The following AFAP1L2 variants were observed in gnomAD, a reference collection of about 807,000 sequenced individuals.
AFAP1L2 encodes the protein actin filament-associated protein 1-like 2.
A neutral mutation model predicts 99.3 loss-of-function variants in AFAP1L2; 46 were observed. That is an observed-to-expected ratio of 0.46 (90% CI 0.37 to 0.59). The LOEUF is 0.59. Ranked by LOEUF, AFAP1L2 falls within the 20% of genes least tolerant of loss-of-function variation. The probability of loss-of-function intolerance (pLI) is 0.00; values close to 1 mark genes in which losing one functional copy is unlikely to be tolerated. For missense variants in AFAP1L2, 959 were observed against 1,034.9 expected, an observed-to-expected ratio of 0.93 and a Z score of 1.01; for synonymous variants, 397 against 419.1, an observed-to-expected ratio of 0.95 and a Z score of 0.64.
intron 5 of AFAP1L2, among the ~76,000 whole-genome samples, chr10:114,319,926 C>A (rs762554027): frequency 6.6e-6 from 1 of 152,182 alleles, no homozygotes; most frequent in Non-Finnish European, 1.5e-5. Context: ...ATGTGCGTGA[C>A]TTCCGGCTGG....
At chr10:114,398,901 T>C in intron 1 of AFAP1L2, 1 of 1,304,320 alleles carries the variant, frequency 7.7e-7, no homozygotes, top group South Asian at 1.2e-5. Context: ...GCAACACCCC[T>C]GTGCTGGAAT....
intron 2 of AFAP1L2, among the ~76,000 whole-genome samples, chr10:114,336,977 G>A (rs2048068196): frequency 6.6e-6 from 1 of 152,218 alleles, no homozygotes; most frequent in Non-Finnish European, 1.5e-5. Context: ...AGTCCCAGAA[G>A]CTCAGCCTGT....
intron 5 of AFAP1L2, among the ~76,000 whole-genome samples, chr10:114,321,199 AC>A (rs762255215): frequency 2.6e-5 from 4 of 152,092 alleles, no homozygotes; most frequent in African/African-American, 9.7e-5. Flanking sequence ...GAGATAGTGC[AC>A]TGTCATTCGA....
the AFAP1L2 span, chr10:114,286,172 G>C: frequency 6.2e-7 from 1 of 1,614,054 alleles, no homozygotes; most frequent in South Asian, 1.1e-5. Flanking sequence ...CTGGAGCCTC[G>C]ATGGCATTCC....
chr10:114,404,548 C>G, upstream of AFAP1L2: 1 of 1,435,432 alleles, frequency 7.0e-7, no homozygotes, highest in Non-Finnish European at 9.1e-7. Context: ...GGCCCCTCCC[C>G]GTGAGGTCAC....
chr10:114,319,446 A>C, intron 5 of AFAP1L2: 1 of 760,422 alleles, frequency 1.3e-6, no homozygotes, highest in Non-Finnish European at 1.9e-6. Flanking sequence ...CAAGTGCAAG[A>C]CTCATGCACG....
At chr10:114,304,029 A>T (rs1012368047) in intron 11 of AFAP1L2, among the ~76,000 whole-genome samples, 24 of 152,258 alleles carry the variant, frequency 1.6e-4, no homozygotes, top group Admixed American at 9.2e-4. Context: ...TGCTGAGAAG[A>T]TGTCTGTTGA....
chr10:114,291,179 G>A (rs1487052237), downstream of AFAP1L2: 3 of 1,550,294 alleles, frequency 1.9e-6, no homozygotes, highest in East Asian at 7.3e-5. Flanking sequence ...AGAAGGGGAT[G>A]CAGACACTCC....
At chr10:114,340,899 T>C in intron 1 of AFAP1L2, 168 bp from the exon 2 acceptor site, 2 of 889,908 alleles carry the variant, frequency 2.2e-6, no homozygotes, top group Non-Finnish European at 3.5e-6. Flanking sequence ...GAAGATGGGA[T>C]TCTCAGCTCC....
intron 1 of AFAP1L2, among the ~76,000 whole-genome samples, chr10:114,394,367 C>T (rs2057468019): frequency 6.6e-6 from 1 of 152,196 alleles, no homozygotes; most frequent in African/African-American, 2.4e-5. Context: ...TCACCAGCCC[C>T]TCCTGGGAGA....
At chr10:114,298,278 T>C (rs147404471) in intron 16 of AFAP1L2, among the ~76,000 whole-genome samples, 6,503 of 152,152 alleles carry the variant, frequency 0.043, 454 homozygotes, top group African/African-American at 0.15. Flanking sequence ...CTCAGGAGGC[T>C]GAGACAGGAG....
At chr10:114,364,034 A>C (rs2052846965) in intron 1 of AFAP1L2, among the ~76,000 whole-genome samples, 1 of 152,230 alleles carries the variant, frequency 6.6e-6, no homozygotes, top group East Asian at 1.9e-4. Flanking sequence ...GGCATCTTTG[A>C]GCAGCAATTG....
At chr10:114,316,910 C>G (rs2044231503) in intron 5 of AFAP1L2, among the ~76,000 whole-genome samples, 1 of 152,204 alleles carries the variant, frequency 6.6e-6, no homozygotes, top group Non-Finnish European at 1.5e-5. Flanking sequence ...ATCTCCTGAT[C>G]CCTGGATACT....
intron 1 of AFAP1L2, among the ~76,000 whole-genome samples, chr10:114,341,440 C>T (rs2048813033): frequency 6.6e-6 from 1 of 151,998 alleles, no homozygotes; most frequent in Non-Finnish European, 1.5e-5. Flanking sequence ...GGTGAAACCC[C>T]CGTCTCTACT....
chr10:114,351,581 G>A (rs1043180683), intron 1 of AFAP1L2, among the ~76,000 whole-genome samples: 10 of 152,186 alleles, frequency 6.6e-5, no homozygotes, highest in African/African-American at 2.4e-4. Context: ...CCGGGGGGAG[G>A]CACGCGAGGC....
rs548441357 is a variant in AFAP1L2 at position 114,385,119 on chromosome 10, C to A, written c.16+19321G>T. 5.9e-5 allele frequency among the ~76,000 whole-genome samples: 9 copies of A among 152,100 alleles called. No individual in the cohort carries two copies. The South Asian group carries it at 1.9e-3, about 32-fold the overall frequency. On this transcript the variant is annotated intron_variant, in intron 1 of 18. Transcript: ENST00000304129. ...GGGGGGCAGTGAAGGTGGGTGTGAT[C>A]GGGAAGGTGAAGGGATGGAAGCAGG...
intron 2 of AFAP1L2, among the ~76,000 whole-genome samples, chr10:114,336,762 G>T (rs917327133): frequency 1.3e-5 from 2 of 152,140 alleles, no homozygotes; most frequent in African/African-American, 4.8e-5. Flanking sequence ...ACTGGTGAAG[G>T]CTAGAATAGA....
intron 18 of AFAP1L2, 38 bp from the exon 19 acceptor site, chr10:114,296,106 C>A: frequency 1.2e-6 from 2 of 1,613,296 alleles, no homozygotes; most frequent in Non-Finnish European, 1.7e-6. Context: ...CACCCCCCAC[C>A]AAAAAGATAG....
At chr10:114,319,556 C>G in intron 5 of AFAP1L2, 1 of 1,289,284 alleles carries the variant, frequency 7.8e-7, no homozygotes, top group Non-Finnish European at 1.0e-6. Flanking sequence ...GGGGAGTAAG[C>G]AGTACCCAAG....
Sources: gnomAD v4.1 joint callset for allele counts (sites outside exome capture counted in the v4.1 genomes callset) on GRCh38, gnomAD v4.1.1 for gene constraint, MANE v1.5 for transcripts, NCBI Gene and HGNC (gene_info 2026-07-23, HGNC 2026-07-21) for gene names.